Variants in SLC15A1 observed in about 807,000 individuals in gnomAD.
SLC15A1 encodes the protein Caco-2 oligopeptide transporter.
SLC15A1 carries 83 observed loss-of-function variants against 92.9 expected under a neutral mutation model. The observed-to-expected ratio is 0.89, with a 90% CI of 0.75 to 1.07. The LOEUF is 1.07. Ranked by LOEUF, SLC15A1 falls within the 50% of genes least tolerant of loss-of-function variation. SLC15A1 has a pLI of 0.00. For synonymous variants in SLC15A1, 322 were observed against 318.2 expected, an observed-to-expected ratio of 1.01 and a Z score of -0.13; for missense variants, 857 against 880.1, an observed-to-expected ratio of 0.97 and a Z score of 0.33.
chr13:98,710,231 G>T (rs1400414184), intron 11 of SLC15A1, among the ~76,000 whole-genome samples: 1 of 152,128 alleles, frequency 6.6e-6, no homozygotes, highest in South Asian at 2.1e-4. Context: ...GCATGGCATC[G>T]TCTGCAAGGT....
rs745867833 is a variant in SLC15A1, at chr13:98,688,375, A to C, written c.1575-19T>G. 2 of 1,608,186 alleles carry C rather than the reference A, an allele frequency of 1.2e-6. No individual in the cohort carries two copies. The highest frequency in any genetic ancestry group is 1.7e-6 in the Non-Finnish European group (2 of 1,175,638). ...GCCTTTTCTATCAAAATAAAGAATA[A>C]TATTGGTTAACATTCTTGGCATTAA... On this transcript the variant is annotated intron_variant, in intron 19 of 22. Coordinates refer to ENST00000376503, the MANE Select transcript of SLC15A1 (RefSeq NM_005073.4).
chr13:98,706,066 G>C (rs746040857), intron 16 of SLC15A1, 68 bp downstream of exon 16: 31 of 1,539,296 alleles, frequency 2.0e-5, no homozygotes, highest in Admixed American at 8.6e-5. Flanking sequence ...AAGAAAAACA[G>C]CTTCTCTAAA....
At chr13:98,746,383 A>G (rs1441920579) in intron 1 of SLC15A1, among the ~76,000 whole-genome samples, 1 of 152,026 alleles carries the variant, frequency 6.6e-6, no homozygotes, top group Non-Finnish European at 1.5e-5. Flanking sequence ...TTGGGTATAT[A>G]CCCCGTAATG....
intron 1 of SLC15A1, among the ~76,000 whole-genome samples, chr13:98,735,980 G>A (rs1027366829): frequency 2.0e-5 from 3 of 152,074 alleles, no homozygotes; most frequent in South Asian, 4.2e-4. Context: ...TCACAGAATT[G>A]GAAAAAACTA....
intron 22 of SLC15A1, 83 bp downstream of exon 22, chr13:98,686,105 GCA>G (rs1427131455): frequency 2.1e-6 from 2 of 965,934 alleles, no homozygotes; most frequent in Non-Finnish European, 3.3e-6. Flanking sequence ...ACCACACAGA[GCA>G]CACAGATGGC....
rs1356536577 is a variant in SLC15A1, at chr13:98,752,646, T to A, written c.-48A>T. The A allele has an allele frequency of 4.0e-6, 5 of 1,245,832 alleles. No homozygotes were observed. The African/African-American group carries it at 7.8e-5, about 19-fold the overall frequency. The allele number at this position is 1,245,832 out of a possible 1,614,324, so 77.2% of individuals were successfully genotyped here. On this transcript the variant is annotated 5_prime_UTR_variant, in exon 1 of 23. Coordinates refer to ENST00000376503, the MANE Select transcript of SLC15A1 (RefSeq NM_005073.4). ...GCGACCTGCCGGCGGGACGTGCTCC[T>A]GGCAGGTGCTACTCCTCCGACCTGA...
At chr13:98,712,168 G>A (rs1224096759) in intron 10 of SLC15A1, among the ~76,000 whole-genome samples, 2 of 151,966 alleles carry the variant, frequency 1.3e-5, no homozygotes, top group Admixed American at 6.6e-5. Context: ...GGTAAATTAC[G>A]TGAATTTACT....
intron 9 of SLC15A1, among the ~76,000 whole-genome samples, chr13:98,714,938 TA>T (rs915791552): frequency 6.6e-6 from 1 of 152,194 alleles, no homozygotes; most frequent in African/African-American, 2.4e-5. Flanking sequence ...AATGTATGTG[TA>T]TATGCATATC....
At chr13:98,727,663 C>A (rs996295683) in intron 1 of SLC15A1, among the ~76,000 whole-genome samples, 3 of 152,164 alleles carry the variant, frequency 2.0e-5, no homozygotes, top group African/African-American at 7.2e-5. Context: ...TCTTCTGTCT[C>A]CCCGGAATTT....
chr13:98,708,809 T>C (rs377561155), intron 14 of SLC15A1, 42 bp from the exon 15 acceptor site: 16 of 1,495,770 alleles, frequency 1.1e-5, no homozygotes, highest in Non-Finnish European at 1.3e-5. Flanking sequence ...CAGTTTCACA[T>C]AGATGAGCTA....
chr13:98,726,916 G>C, intron 1 of SLC15A1, 57 bp from the exon 2 acceptor site: 1 of 1,568,792 alleles, frequency 6.4e-7, no homozygotes, highest in Non-Finnish European at 8.8e-7. Flanking sequence ...AGTTTTTGCT[G>C]TGTCTAAACT....
chr13:98,712,587 G>A lies in SLC15A1; in HGVS notation c.724-3C>T, dbSNP rs2088173314. 1.9e-6 allele frequency: 3 copies of A among 1,601,332 alleles called. No individual in the cohort carries two copies. The highest frequency in any genetic ancestry group is 1.3e-5 in the African/African-American group (1 of 74,528). Reference sequence around the variant, plus strand: ...CTAAATCTATTTTTGATGGCAAACTGAAGGAAGGAAGAAAAATCGAATTTC... The same window carrying A: ...CTAAATCTATTTTTGATGGCAAACTAAAGGAAGGAAGAAAAATCGAATTTC... On this transcript the variant is annotated splice_polypyrimidine_tract_variant and splice_region_variant and intron_variant, in intron 9 of 22. Coordinates refer to ENST00000376503, the MANE Select transcript of SLC15A1 (RefSeq NM_005073.4).
In SLC15A1 at chr13:98,748,118, G is replaced by A. The variant is rs866767322; in HGVS notation, c.4+4477C>T. The stretch of plus-strand genomic sequence containing the variant: ...CTCGGAGTGGAAGAGTGTTGTTTAC[G>A]GGCTTATGTTCCTGCCCCCTGAGGA... On this transcript the variant is annotated intron_variant, in intron 1 of 22. Coordinates refer to ENST00000376503, the MANE Select transcript of SLC15A1 (RefSeq NM_005073.4). Among the ~76,000 whole-genome samples the A allele has an allele frequency of 1.6e-4, 24 of 152,170 alleles. No individual in the cohort carries two copies. The South Asian group carries it at 1.9e-3, about 12-fold the overall frequency.
At chr13:98,733,299 G>C (rs4772128) in intron 1 of SLC15A1, among the ~76,000 whole-genome samples, 1 of 152,146 alleles carries the variant, frequency 6.6e-6, no homozygotes, top group African/African-American at 2.4e-5. Flanking sequence ...ATACACATAG[G>C]TTTGCCCCAA....
Position 98,688,462 on chromosome 13 carries a change from G to T in SLC15A1, c.1574+8C>A. ...CCTTTGAGTGAAGCATTCAGTCTCG[G>T]TACTTACATGCCAGAAGGAAAAAAC... On this transcript the variant is annotated splice_region_variant and intron_variant, in intron 19 of 22. Coordinates refer to ENST00000376503, the MANE Select transcript of SLC15A1 (RefSeq NM_005073.4). The T allele has an allele frequency of 6.2e-7, 1 of 1,612,244 alleles. No homozygotes were observed. The highest frequency in any genetic ancestry group is 1.3e-5 in the African/African-American group (1 of 74,964).
intron 9 of SLC15A1, among the ~76,000 whole-genome samples, chr13:98,713,671 C>T (rs1322394658): frequency 6.6e-6 from 1 of 152,138 alleles, no homozygotes; most frequent in African/African-American, 2.4e-5. Context: ...AGGAAAAAGG[C>T]CTTTGGGAAG....
chr13:98,700,613 G>A (rs1022785345), intron 18 of SLC15A1, among the ~76,000 whole-genome samples: 1 of 151,006 alleles, frequency 6.6e-6, no homozygotes, highest in African/African-American at 2.4e-5. Context: ...AAAGTCACAA[G>A]AGTTTATGTT....
At chr13:98,701,756 C>T (rs1255751730) in intron 18 of SLC15A1, among the ~76,000 whole-genome samples, 3 of 151,598 alleles carry the variant, frequency 2.0e-5, no homozygotes, top group Admixed American at 1.3e-4. Flanking sequence ...CTGCAACCCC[C>T]GTCTACCAGG....
At chr13:98,695,385 C>T (rs979093637) in intron 18 of SLC15A1, among the ~76,000 whole-genome samples, 9 of 151,938 alleles carry the variant, frequency 5.9e-5, no homozygotes, top group African/African-American at 9.7e-5. Context: ...CTATGCCAGA[C>T]CCAGTTTTTT....
Sources: allele counts gnomAD v4.1 joint callset (sites outside exome capture counted in the v4.1 genomes callset), GRCh38; gene constraint gnomAD v4.1.1; transcripts MANE v1.5; gene names NCBI Gene and HGNC (gene_info 2026-07-23, HGNC 2026-07-21).